KIAA1217: variants seen among roughly 807,000 people sequenced by gnomAD.
KIAA1217 encodes KIAA1217.
Under a neutral mutation model 163.9 loss-of-function variants are expected in KIAA1217, and 88 were observed. The ratio of observed to expected loss-of-function variants is 0.54; its 90% confidence interval spans 0.45 to 0.64. The LOEUF is 0.64. Among genes scored for constraint, KIAA1217 ranks in the 30% least tolerant of loss-of-function variants. The pLI is 0.00. For missense variants in KIAA1217, 2,372 were observed against 2,475.0 expected, an observed-to-expected ratio of 0.96 and a Z score of 0.88; for synonymous variants, 903 against 923.1, an observed-to-expected ratio of 0.98 and a Z score of 0.39.
At chr10:24,503,832 T>C (rs1251039752) in intron 9 of KIAA1217, among the ~76,000 whole-genome samples, 1 of 152,346 alleles carries the variant, frequency 6.6e-6, no homozygotes, top group East Asian at 1.9e-4. Flanking sequence ...TTTGGCACCA[T>C]CTGCTGGCCA....
intron 1 of KIAA1217, among the ~76,000 whole-genome samples, chr10:23,850,180 A>C (rs1249129223): frequency 6.6e-6 from 1 of 152,094 alleles, no homozygotes; most frequent in Non-Finnish European, 1.5e-5. Flanking sequence ...ATACAGGATC[A>C]CTCAGCAGCC....
chr10:24,428,860 T>C (rs202011235), intron 3 of KIAA1217, among the ~76,000 whole-genome samples: 1 of 114,606 alleles, frequency 8.7e-6, no homozygotes, highest in Non-Finnish European at 2.0e-5. Flanking sequence ...TCTTTAAAGA[T>C]AAAAAAAAAA....
intron 1 of KIAA1217, among the ~76,000 whole-genome samples, chr10:23,924,165 C>CTT (rs5783868): frequency 1.4e-5 from 2 of 140,102 alleles, no homozygotes; most frequent in Admixed American, 7.2e-5. Context: ...TACTCTGATT[C>CTT]TTTTTTTTTT....
intron 2 of KIAA1217, among the ~76,000 whole-genome samples, chr10:24,197,687 GT>G (rs2067054743): frequency 6.6e-6 from 1 of 152,100 alleles, no homozygotes; most frequent in African/African-American, 2.4e-5. Context: ...AATTCCCTTA[GT>G]TTCAAATCTC....
intron 2 of KIAA1217, among the ~76,000 whole-genome samples, chr10:24,270,128 C>G (rs1468675979): frequency 2.0e-5 from 3 of 152,186 alleles, no homozygotes; most frequent in African/African-American, 7.2e-5. Flanking sequence ...AATGGAAAAT[C>G]CTTAATATAT....
intron 1 of KIAA1217, among the ~76,000 whole-genome samples, chr10:24,003,124 TG>T (rs1380565628): frequency 3.3e-5 from 5 of 152,166 alleles, no homozygotes; most frequent in Non-Finnish European, 7.4e-5. Context: ...TGCATGCAAG[TG>T]TTTTTTTGTT....
At chr10:24,360,411 A>G (rs1459155106) in intron 2 of KIAA1217, among the ~76,000 whole-genome samples, 3 of 152,168 alleles carry the variant, frequency 2.0e-5, no homozygotes, top group Non-Finnish European at 2.9e-5. Context: ...TCATGAGGCT[A>G]CTAATTTTTT....
chr10:24,019,546 G>T (rs1847643099), intron 2 of KIAA1217, among the ~76,000 whole-genome samples: 2 of 151,888 alleles, frequency 1.3e-5, no homozygotes, highest in Admixed American at 1.3e-4. Flanking sequence ...GGGCAGGGGA[G>T]GGCAGACTTC....
At chr10:23,728,170 G>T (rs1003928580) in intron 1 of KIAA1217, among the ~76,000 whole-genome samples, 1 of 152,138 alleles carries the variant, frequency 6.6e-6, no homozygotes, top group African/African-American at 2.4e-5. Context: ...AATCCTTTGG[G>T]TATATACCCA....
At chr10:24,392,987 T>C (rs2055190608) in intron 3 of KIAA1217, among the ~76,000 whole-genome samples, 1 of 152,236 alleles carries the variant, frequency 6.6e-6, no homozygotes, top group African/African-American at 2.4e-5. Flanking sequence ...TTTTGAAAGC[T>C]AATTTTCAGA....
At chr10:24,205,852 C>G (rs1449965205), upstream of KIAA1217, among the ~76,000 whole-genome samples, 1 of 151,932 alleles carries the variant, frequency 6.6e-6, no homozygotes, top group African/African-American at 2.4e-5. Context: ...CTATAATTGG[C>G]CTGCTGAGAA....
chr10:23,876,504 TA>T (rs72336428), intron 1 of KIAA1217, among the ~76,000 whole-genome samples: 11,296 of 147,064 alleles, frequency 0.077, 1,411 homozygotes, highest in African/African-American at 0.26. Flanking sequence ...AAACAAAAAA[TA>T]AAAAAAAAAG....
At chr10:23,852,417 G>C (rs921862387) in intron 1 of KIAA1217, among the ~76,000 whole-genome samples, 8 of 152,248 alleles carry the variant, frequency 5.3e-5, no homozygotes, top group Middle Eastern at 3.4e-3. Context: ...GGTTACTGTA[G>C]CCTTGTAGTA....
intron 2 of KIAA1217, among the ~76,000 whole-genome samples, chr10:24,095,587 A>T (rs1295293004): frequency 6.6e-6 from 1 of 151,936 alleles, no homozygotes; most frequent in Non-Finnish European, 1.5e-5. Context: ...CAACCTTTCC[A>T]TGATGCTGTT....
intron 2 of KIAA1217, among the ~76,000 whole-genome samples, chr10:24,087,839 G>A (rs527993815): frequency 4.6e-5 from 7 of 152,270 alleles, no homozygotes; most frequent in Non-Finnish European, 7.4e-5. Context: ...TAGGGAATGC[G>A]TACACTTCCT....
intron 4 of KIAA1217, 146 bp from the exon 5 acceptor site, chr10:24,438,240 G>T: frequency 1.8e-6 from 1 of 559,114 alleles, no homozygotes; most frequent in Non-Finnish European, 3.2e-6. Flanking sequence ...CCTATTTTAT[G>T]GTCACATAGC....
intron 2 of KIAA1217, among the ~76,000 whole-genome samples, chr10:24,255,055 A>G (rs1490182777): frequency 6.6e-6 from 1 of 151,986 alleles, no homozygotes; most frequent in African/African-American, 2.4e-5. Context: ...GGGTTTCACC[A>G]TGTTGGCCAG....
intron 1 of KIAA1217, among the ~76,000 whole-genome samples, chr10:23,786,325 G>A (rs867648408): frequency 1.3e-5 from 2 of 152,100 alleles, no homozygotes; most frequent in South Asian, 4.2e-4. Flanking sequence ...AACATTCCAG[G>A]CAGCATGAGG....
At chr10:24,416,243 C>T (rs933833908) in intron 3 of KIAA1217, among the ~76,000 whole-genome samples, 4 of 152,166 alleles carry the variant, frequency 2.6e-5, no homozygotes, top group Non-Finnish European at 5.9e-5. Flanking sequence ...ACTTTGGATA[C>T]CCTAAAAGCA....
Sources: allele counts gnomAD v4.1 joint callset (sites outside exome capture counted in the v4.1 genomes callset), GRCh38; gene constraint gnomAD v4.1.1; transcripts MANE v1.5; gene names NCBI Gene and HGNC (gene_info 2026-07-23, HGNC 2026-07-21).